Variants in GLMN observed in about 807,000 individuals in gnomAD.
GLMN encodes glomulin.
A neutral mutation model predicts 87.8 loss-of-function variants in GLMN; 75 were observed. The observed-to-expected ratio is 0.85, with a 90% CI of 0.71 to 1.04. The LOEUF (loss-of-function observed/expected upper bound fraction) is 1.04, where lower values mean the gene tolerates loss of function less well. Ranked by LOEUF, GLMN falls within the 50% of genes least tolerant of loss-of-function variation. The pLI, the probability that GLMN is intolerant of heterozygous loss-of-function variation, is 0.00. For synonymous variants in GLMN, 206 were observed against 221.6 expected, an observed-to-expected ratio of 0.93 and a Z score of 0.63; for missense variants, 588 against 658.8, an observed-to-expected ratio of 0.89 and a Z score of 1.18.
chr1:92,351,408 C>G, the GLMN span, among the ~76,000 whole-genome samples: 1 of 151,542 alleles, frequency 6.6e-6, no homozygotes, highest in Non-Finnish European at 1.5e-5. Flanking sequence ...TTATATTCCT[C>G]ATAATTCCAT....
chr1:92,318,273 A>G, the GLMN span, among the ~76,000 whole-genome samples: 1 of 152,170 alleles, frequency 6.6e-6, no homozygotes, highest in African/African-American at 2.4e-5. Flanking sequence ...TAGATAAGCT[A>G]TCTCATTTAA....
chr1:92,322,567 TACAAAAA>T, the GLMN span, among the ~76,000 whole-genome samples: 570 of 149,850 alleles, frequency 3.8e-3, 1 homozygote, highest in Non-Finnish European at 6.6e-3. Flanking sequence ...TAAAATAAAA[TACAAAAA>T]ATAAAAAATA....
intron 16 of GLMN, among the ~76,000 whole-genome samples, chr1:92,257,744 A>C (rs1339526017): frequency 3.3e-5 from 5 of 152,160 alleles, no homozygotes; most frequent in African/African-American, 1.2e-4. Flanking sequence ...ACAAAAATTA[A>C]CTTGACATGG....
the GLMN span, chr1:92,336,369 C>T: frequency 1.2e-6 from 2 of 1,610,390 alleles, no homozygotes; most frequent in Non-Finnish European, 1.7e-6. Context: ...TCTGGTTCCT[C>T]TTCAGATTAC....
At chr1:92,283,288 T>C (rs943927926) in intron 7 of GLMN, among the ~76,000 whole-genome samples, 1 of 152,172 alleles carries the variant, frequency 6.6e-6, no homozygotes, top group African/African-American at 2.4e-5. Flanking sequence ...AGTCGGCTTC[T>C]TCCCTGGGAT....
At position 92,292,896 on chromosome 1, in the gene GLMN, C is replaced by T. The variant is rs557170433; in HGVS notation, c.166-1359G>A. ...AAAATTAGCTGGGTCTGGTGGCACA[C>T]GCTTGTAGCCCCAGCTACTTGGGAG... On this transcript the variant is annotated intron_variant, in intron 3 of 18. Coordinates refer to ENST00000370360, the MANE Select transcript of GLMN (RefSeq NM_053274.3). 7.9e-5 allele frequency among the ~76,000 whole-genome samples: 12 copies of T among 151,730 alleles called. No individual in the cohort carries two copies. The South Asian group carries it at 2.1e-3, about 26-fold the overall frequency.
chr1:92,323,877 C>T, the GLMN span: 1 of 1,614,020 alleles, frequency 6.2e-7, no homozygotes, highest in Non-Finnish European at 8.5e-7. Flanking sequence ...AAAGTGAATA[C>T]AGTAGGTCAG....
At chr1:92,280,574 A>C (rs1570937658) in intron 7 of GLMN, among the ~76,000 whole-genome samples, 1 of 152,242 alleles carries the variant, frequency 6.6e-6, no homozygotes, top group East Asian at 1.9e-4. Context: ...AAAGGATCAC[A>C]GCTCCTCACC....
At chr1:92,294,813 G>C (rs554608795) in intron 3 of GLMN, among the ~76,000 whole-genome samples, 3 of 152,088 alleles carry the variant, frequency 2.0e-5, no homozygotes, top group African/African-American at 7.2e-5. Flanking sequence ...CGAGTAGCTG[G>C]GATTACAGGG....
the GLMN span, among the ~76,000 whole-genome samples, chr1:92,306,943 A>G: frequency 6.6e-6 from 1 of 152,326 alleles, no homozygotes; most frequent in African/African-American, 2.4e-5. Flanking sequence ...CTGAAAGGAA[A>G]TGAGGGAATG....
Position 92,264,640 on chromosome 1 carries a change from T to C in GLMN, c.1215-2A>G. Reference sequence around the variant, plus strand: ...TGATTACTTGTATTCAATAAGCACCTTGAAAGCAAAATTACAATAGATGTG... The same window carrying C: ...TGATTACTTGTATTCAATAAGCACCCTGAAAGCAAAATTACAATAGATGTG... On this transcript the variant is annotated splice_acceptor_variant, in intron 13 of 18. Coordinates refer to ENST00000370360, the MANE Select transcript of GLMN (RefSeq NM_053274.3). LOFTEE classifies it high-confidence loss of function. 1 of 1,509,540 alleles carries C rather than the reference T, an allele frequency of 6.6e-7. No individual in the cohort carries two copies. Among genetic ancestry groups the C allele is most frequent in the Non-Finnish European group, 9.2e-7 (1 of 1,084,900 alleles). 93.5% of individuals were successfully genotyped at this position (1,509,540 alleles called of 1,614,324 possible).
chr1:92,290,756 T>C (rs1055382187), intron 4 of GLMN, among the ~76,000 whole-genome samples: 2 of 152,238 alleles, frequency 1.3e-5, no homozygotes, highest in African/African-American at 2.4e-5. Context: ...CCAGCTCCCA[T>C]AGTCAATAAC....
the GLMN span, among the ~76,000 whole-genome samples, chr1:92,326,179 C>T: frequency 6.6e-6 from 1 of 151,884 alleles, no homozygotes; most frequent in South Asian, 2.1e-4. Flanking sequence ...TCCATGTCCT[C>T]CCTGGTACTT....
At chr1:92,309,300 G>T in the GLMN span, among the ~76,000 whole-genome samples, 2 of 151,942 alleles carry the variant, frequency 1.3e-5, no homozygotes, top group Non-Finnish European at 2.9e-5. Flanking sequence ...AAATTAGCTG[G>T]ACGTGGTGAC....
intron 3 of GLMN, among the ~76,000 whole-genome samples, chr1:92,295,542 A>G (rs1249301397): frequency 6.6e-6 from 1 of 152,058 alleles, no homozygotes; most frequent in Non-Finnish European, 1.5e-5. Context: ...TTTCTGTTTG[A>G]TATCATATGT....
upstream of GLMN, among the ~76,000 whole-genome samples, chr1:92,300,507 A>G (rs1650756961): frequency 1.3e-5 from 2 of 152,076 alleles, no homozygotes; most frequent in South Asian, 4.1e-4. Flanking sequence ...CTTCAGGTAC[A>G]CTCTCCTTTT....
the GLMN span, among the ~76,000 whole-genome samples, chr1:92,305,450 A>AAAAAAC: frequency 7.0e-6 from 1 of 141,850 alleles, no homozygotes; most frequent in African/African-American, 3.0e-5. Context: ...AAAAAAAAAA[A>AAAAAAC]AGACAATATG....
At chr1:92,330,763 A>C in the GLMN span, among the ~76,000 whole-genome samples, 2 of 152,080 alleles carry the variant, frequency 1.3e-5, no homozygotes, top group Admixed American at 6.6e-5. Context: ...GTGGGTAGTC[A>C]ATTTTTAAAA....
intron 9 of GLMN, among the ~76,000 whole-genome samples, chr1:92,268,892 T>C (rs988021914): frequency 9.2e-5 from 14 of 151,422 alleles, no homozygotes; most frequent in African/African-American, 3.4e-4. Context: ...AGAAATTATG[T>C]ATACCTGTTA....
Sources: gnomAD v4.1 joint callset for allele counts (sites outside exome capture counted in the v4.1 genomes callset) on GRCh38, gnomAD v4.1.1 for gene constraint, MANE v1.5 for transcripts, NCBI Gene and HGNC (gene_info 2026-07-23, HGNC 2026-07-21) for gene names.